PALLD: variants seen among roughly 807,000 people sequenced by gnomAD.
The protein encoded by PALLD is palladin.
PALLD carries 61 observed loss-of-function variants against 123.5 expected under a neutral mutation model. The ratio of observed to expected loss-of-function variants is 0.49; its 90% CI spans 0.40 to 0.61. The LOEUF (loss-of-function observed/expected upper bound fraction) is 0.61, where lower values mean the gene tolerates loss of function less well. Ranked by LOEUF, PALLD falls within the 20% of genes least tolerant of loss-of-function variation. PALLD has a pLI of 0.00. For missense variants in PALLD, 1,273 were observed against 1,377.0 expected, an observed-to-expected ratio of 0.92 and a Z score of 1.20; for synonymous variants, 465 against 496.4, an observed-to-expected ratio of 0.94 and a Z score of 0.84.
Position 168,511,895 on chromosome 4 carries a change from C to T in PALLD, c.391C>T (p.Pro131Ser). The T allele has an allele frequency of 6.2e-7, 1 of 1,614,162 alleles. No homozygotes were observed. The highest frequency in any genetic ancestry group is 8.5e-7 in the Non-Finnish European group (1 of 1,180,016). The change falls in exon 2 of 22, where the codon CCC becomes TCC. Residue 131 changes from proline (P) to serine (S), a missense_variant. Coordinates refer to ENST00000505667, the MANE Select transcript of PALLD (RefSeq NM_001166108.2). ...KPAMSPLLTR[P>S]SYIRSLRKAE... Reference sequence around the variant, plus strand: ...TGCCATGTCACCCCTGCTCACCAGGCCCAGCTACATCCGGAGCCTCCGAAA... The same window carrying T: ...TGCCATGTCACCCCTGCTCACCAGGTCCAGCTACATCCGGAGCCTCCGAAA...
chr4:168,727,896 G>T (rs114048285), intron 10 of PALLD, among the ~76,000 whole-genome samples: 317 of 147,660 alleles, frequency 2.1e-3, no homozygotes, highest in Middle Eastern at 0.01. Context: ...TATGGTGAAA[G>T]GTAAGGGTCT....
At chr4:168,612,401 C>T (rs542147103) in intron 2 of PALLD, among the ~76,000 whole-genome samples, 17 of 152,248 alleles carry the variant, frequency 1.1e-4, no homozygotes, top group South Asian at 6.2e-4. Context: ...ATCCCAGAGA[C>T]GTCTCCACAG....
intron 2 of PALLD, among the ~76,000 whole-genome samples, chr4:168,534,844 GCTGT>G (rs1764946226): frequency 6.6e-6 from 1 of 151,966 alleles, no homozygotes; most frequent in African/African-American, 2.4e-5. Flanking sequence ...ATACTAATTG[GCTGT>G]CTTTTATCGC....
rs1349609253 is a variant in PALLD, at chr4:168,711,664, T to C, written c.1705T>C (p.Leu569=). Residue 569 remains leucine, a synonymous_variant, in exon 10 of 22, where the codon TTG becomes CTG. Coordinates refer to ENST00000505667, the MANE Select transcript of PALLD (RefSeq NM_001166108.2). ...ACACTTTCCACCTCCCCCTCCAATC[T>C]TGGAGACAAGTTCCTTGGAGTTGGC... is the stretch of plus-strand genomic sequence containing the variant. ...FQHFPPPPPI[L]ETSSLELASK... The C allele has an allele frequency of 6.2e-7, 1 of 1,613,980 alleles. No individual in the cohort carries two copies. The highest frequency in any genetic ancestry group is 8.5e-7 in the Non-Finnish European group (1 of 1,179,988).
At position 168,758,269 on chromosome 4, in the gene PALLD, A is replaced by G. The variant is rs1561488877; in HGVS notation, c.1964+46346A>G. ...CTGTTGCTTTGAAGAGGATTTGAAT[A>G]AGCATCTGAAACTGTTGGCTCAGAC... On this transcript the variant is annotated intron_variant, in intron 10 of 21. Coordinates refer to ENST00000505667, the MANE Select transcript of PALLD (RefSeq NM_001166108.2). Among the ~76,000 whole-genome samples the G allele has an allele frequency of 3.9e-5, 6 of 152,090 alleles. No individual in the cohort carries two copies. The South Asian group carries it at 1.0e-3, about 26-fold the overall frequency.
chr4:168,761,645 G>GTTTTTTTTTTTTTTTT lies in PALLD; in HGVS notation c.1964+49738_1964+49753dup, dbSNP rs70961555. Reference sequence around the variant, plus strand: ...CCAGCTATTTTTGTTGTTGTTGTTTGTTTTTTTTTTTTTTTTTTTTTTTTT... The same window carrying GTTTTTTTTTTTTTTTT: ...CCAGCTATTTTTGTTGTTGTTGTTTGTTTTTTTTTTTTTTTTTTTTTTTTTTTTTTTTTTTTTTTTT... On this transcript the variant is annotated intron_variant, in intron 10 of 21. Coordinates refer to ENST00000505667, the MANE Select transcript of PALLD (RefSeq NM_001166108.2). Among the ~76,000 whole-genome samples, 126 of 87,856 alleles carry GTTTTTTTTTTTTTTTT rather than the reference G, an allele frequency of 1.4e-3. 6 individuals carry two copies. Among genetic ancestry groups the GTTTTTTTTTTTTTTTT allele is most frequent in the East Asian group, 2.0e-3 (5 of 2,456 alleles). 57.6% of individuals were successfully genotyped at this position (87,856 alleles called of 152,430 possible).
chr4:168,733,756 C>T lies in PALLD; in HGVS notation c.1964+21833C>T, dbSNP rs372018747. Among the ~76,000 whole-genome samples, 25 of 151,332 alleles carry T rather than the reference C, an allele frequency of 1.7e-4. No individual in the cohort carries two copies. In the East Asian group the frequency reaches 4.1e-3, roughly 25 times the overall value. On this transcript the variant is annotated intron_variant, in intron 10 of 21. Transcript: ENST00000505667. ...TTGGTTTTGTTTTATTTTTTTGAGA[C>T]GGAGTCTCGCTCTTTTGCCCTGGCC...
intron 10 of PALLD, among the ~76,000 whole-genome samples, chr4:168,881,876 CAT>C (rs1752661102): frequency 1.3e-5 from 2 of 152,158 alleles, no homozygotes; most frequent in African/African-American, 4.8e-5. Flanking sequence ...TGCCGACAGG[CAT>C]AGTGTGGCAG....
intron 10 of PALLD, among the ~76,000 whole-genome samples, chr4:168,833,402 C>A (rs1469635342): frequency 6.6e-6 from 1 of 152,120 alleles, no homozygotes; most frequent in Admixed American, 6.5e-5. Flanking sequence ...ATTCATCAAC[C>A]TGGGAGTCTC....
chr4:168,913,615 C>T (rs534283190), intron 15 of PALLD, among the ~76,000 whole-genome samples: 14 of 151,992 alleles, frequency 9.2e-5, no homozygotes, highest in African/African-American at 1.4e-4. Flanking sequence ...TCATGTGTTA[C>T]GGAGACCTTT....
intron 10 of PALLD, among the ~76,000 whole-genome samples, chr4:168,760,305 C>T (rs1490966353): frequency 6.9e-6 from 1 of 144,598 alleles, no homozygotes; most frequent in Non-Finnish European, 1.5e-5. Context: ...CTCCCTAGTT[C>T]CCGGCTCTGG....
At chr4:168,819,567 C>T (rs1027600026) in intron 10 of PALLD, among the ~76,000 whole-genome samples, 2 of 152,188 alleles carry the variant, frequency 1.3e-5, no homozygotes, top group African/African-American at 2.4e-5. Flanking sequence ...TCACAAAGAG[C>T]AGTTCATTTA....
At chr4:168,610,698 A>G (rs1773645259) in intron 2 of PALLD, among the ~76,000 whole-genome samples, 1 of 150,850 alleles carries the variant, frequency 6.6e-6, no homozygotes, top group Non-Finnish European at 1.5e-5. Context: ...TTACACAAAC[A>G]TCATGATCCA....
chr4:168,513,931 C>A (rs951945433), intron 2 of PALLD, among the ~76,000 whole-genome samples: 5 of 151,844 alleles, frequency 3.3e-5, no homozygotes, highest in Middle Eastern at 3.2e-3. Context: ...ATGGTGAAAC[C>A]CCCTCTCTAC....
chr4:168,813,063 C>T (rs1741395389), intron 10 of PALLD, among the ~76,000 whole-genome samples: 1 of 150,946 alleles, frequency 6.6e-6, no homozygotes, highest in South Asian at 2.1e-4. Context: ...CCCTGTGGTT[C>T]TTTAAGTCTG....
intron 2 of PALLD, among the ~76,000 whole-genome samples, chr4:168,650,113 G>A (rs1188685156): frequency 2.6e-5 from 4 of 152,162 alleles, no homozygotes; most frequent in African/African-American, 7.2e-5. Flanking sequence ...GGCGGAGGTT[G>A]CAGTGAGCTG....
chr4:168,895,083 C>T (rs1247313190), intron 12 of PALLD, among the ~76,000 whole-genome samples: 1 of 152,136 alleles, frequency 6.6e-6, no homozygotes, highest in Non-Finnish European at 1.5e-5. Context: ...ACCCCAAGCA[C>T]AGTTAAAAAC....
At chr4:168,638,824 AG>A (rs570487106) in intron 2 of PALLD, among the ~76,000 whole-genome samples, 5 of 124,386 alleles carry the variant, frequency 4.0e-5, no homozygotes, top group Non-Finnish European at 8.8e-5. Flanking sequence ...TGAATTTGGG[AG>A]GGGGGGCGGG....
intron 2 of PALLD, among the ~76,000 whole-genome samples, chr4:168,625,502 G>GATAGATAGATATATATAT: frequency 7.0e-5 from 8 of 114,472 alleles, no homozygotes; most frequent in Admixed American, 2.1e-4. Flanking sequence ...ATATCCAGGA[G>GATAGATAGATATATATAT]ATATATATAT....
Sources: gnomAD v4.1 joint callset for allele counts (sites outside exome capture counted in the v4.1 genomes callset) on GRCh38, gnomAD v4.1.1 for gene constraint, MANE v1.5 for transcripts, NCBI Gene and HGNC (gene_info 2026-07-23, HGNC 2026-07-21) for gene names.